NRXN3: variants seen among roughly 807,000 people sequenced by gnomAD.
NRXN3 encodes neurexin III.
In NRXN3, 32 loss-of-function variants were observed where a neutral mutation model predicts 137.6. That is an observed-to-expected ratio of 0.23 (90% confidence interval 0.18 to 0.31). The LOEUF (loss-of-function observed/expected upper bound fraction) is 0.31. NRXN3 is among the 10% of genes least tolerant of loss of function. The probability of loss-of-function intolerance (pLI) is 1.00; values close to 1 mark genes in which losing one functional copy is unlikely to be tolerated. For synonymous variants in NRXN3, 798 were observed against 784.5 expected, an observed-to-expected ratio of 1.02 and a Z score of -0.29; for missense variants, 1,574 against 2,062.5, an observed-to-expected ratio of 0.76 and a Z score of 4.59.
At chr14:79,117,963 A>T (rs1275633793) in intron 15 of NRXN3, among the ~76,000 whole-genome samples, 1 of 152,242 alleles carries the variant, frequency 6.6e-6, no homozygotes, top group Non-Finnish European at 1.5e-5. Context: ...ATATGGAAGT[A>T]GTGATAGCAG....
Position 78,337,700 on chromosome 14 carries a change from G to T in NRXN3, c.757+39840G>T, listed in dbSNP as rs77974794. ...GCACTGAAGGTCTAAATGAAATTTAGCTTTCTCAAACATCCTAATTATTTC... is the reference window on the plus strand; with the variant it reads ...GCACTGAAGGTCTAAATGAAATTTATCTTTCTCAAACATCCTAATTATTTC... On this transcript the variant is annotated intron_variant, in intron 4 of 20. Transcript: ENST00000335750. Among the ~76,000 whole-genome samples, 1,268 of 152,274 alleles carry T rather than the reference G, an allele frequency of 8.3e-3. 39 individuals carry two copies. In the East Asian group the frequency reaches 0.089, roughly 11 times the overall value.
intron 15 of NRXN3, among the ~76,000 whole-genome samples, chr14:79,331,060 G>A (rs775947491): frequency 9.9e-5 from 15 of 152,284 alleles, no homozygotes; most frequent in Admixed American, 2.0e-4. Context: ...CTGATTGACT[G>A]TTTCCTTTAC....
chr14:79,863,730 C>T lies in NRXN3; in HGVS notation c.*1766C>T, dbSNP rs954862955. 1 of 152,492 alleles carries T rather than the reference C, an allele frequency of 6.6e-6. No individual in the cohort carries two copies. The highest frequency in any genetic ancestry group is 1.5e-5 in the Non-Finnish European group (1 of 68,008). The allele number at this position is 152,492 out of a possible 1,614,324, so 9.4% of individuals were successfully genotyped here. A position where few individuals can be genotyped will look rare whatever the true frequency, so the allele number is the denominator to read the frequency against. On this transcript the variant is annotated 3_prime_UTR_variant, in exon 21 of 21. Coordinates refer to ENST00000335750, the MANE Select transcript of NRXN3 (RefSeq NM_001330195.2). ...TGTATGGCCATAGCTATCCGAAAAGCAAGAGACAAAGCAAGACAAATATTC... is the reference window on the plus strand; with the variant it reads ...TGTATGGCCATAGCTATCCGAAAAGTAAGAGACAAAGCAAGACAAATATTC...
chr14:79,452,127 A>T (rs1189803983), intron 15 of NRXN3, among the ~76,000 whole-genome samples: 1 of 152,158 alleles, frequency 6.6e-6, no homozygotes, highest in East Asian at 1.9e-4. Flanking sequence ...CATTAAAAAA[A>T]AATAGCCACA....
At chr14:78,317,420 T>C (rs1358411283) in intron 4 of NRXN3, among the ~76,000 whole-genome samples, 2 of 152,126 alleles carry the variant, frequency 1.3e-5, no homozygotes, top group African/African-American at 2.4e-5. Flanking sequence ...TTGGGAACAG[T>C]GTATGCGAGG....
At chr14:78,228,157 CTTTT>C (rs1156767557) in intron 1 of NRXN3, among the ~76,000 whole-genome samples, 2 of 130,478 alleles carry the variant, frequency 1.5e-5, no homozygotes, top group Admixed American at 7.8e-5. Context: ...AATTTTCTTT[CTTTT>C]TTTTTTTTTT....
intron 15 of NRXN3, among the ~76,000 whole-genome samples, chr14:79,433,628 G>A (rs1427879312): frequency 6.6e-6 from 1 of 152,118 alleles, no homozygotes; most frequent in Non-Finnish European, 1.5e-5. Flanking sequence ...ATATGTTCAC[G>A]ATATCTAATA....
intron 4 of NRXN3, among the ~76,000 whole-genome samples, chr14:78,312,001 C>T (rs559638323): frequency 5.3e-5 from 8 of 152,234 alleles, no homozygotes; most frequent in Non-Finnish European, 8.8e-5. Flanking sequence ...ATTTGTAGCA[C>T]AATCGGGACT....
At chr14:78,225,516 G>C (rs2064435956) in intron 1 of NRXN3, among the ~76,000 whole-genome samples, 1 of 149,808 alleles carries the variant, frequency 6.7e-6, no homozygotes, top group African/African-American at 2.4e-5. Context: ...TGTCAGATGA[G>C]TAGGTTGCGA....
chr14:79,533,037 G>A (rs1241034166), intron 16 of NRXN3, among the ~76,000 whole-genome samples: 1 of 151,814 alleles, frequency 6.6e-6, no homozygotes, highest in Non-Finnish European at 1.5e-5. Flanking sequence ...TATTTCAATT[G>A]AGTAAGCCCA....
rs1156721737 is a variant in NRXN3 at position 78,269,230 on chromosome 14, A to G, written c.710-9415A>G. 2.0e-5 allele frequency among the ~76,000 whole-genome samples: 3 copies of G among 152,330 alleles called. No individual in the cohort carries two copies. The East Asian group carries it at 5.8e-4, about 29-fold the overall frequency. On this transcript the variant is annotated intron_variant, in intron 2 of 20. Coordinates refer to ENST00000335750, the MANE Select transcript of NRXN3 (RefSeq NM_001330195.2). ...CAGGGCTTCTGTAACTAAAATGTGGACTGTATACACAATGGAATATTATTC... is the reference window on the plus strand; with the variant it reads ...CAGGGCTTCTGTAACTAAAATGTGGGCTGTATACACAATGGAATATTATTC...
chr14:78,467,259 C>A (rs909831946), intron 4 of NRXN3, among the ~76,000 whole-genome samples: 4 of 152,134 alleles, frequency 2.6e-5, no homozygotes, highest in South Asian at 2.1e-4. Context: ...CAGGATCTCA[C>A]CCCCTAGTCT....
At position 79,807,814 on chromosome 14, in the gene NRXN3, T is replaced by C. The variant is rs1365626912; in HGVS notation, c.4093+2624T>C. 2.0e-5 allele frequency among the ~76,000 whole-genome samples: 3 copies of C among 152,218 alleles called. No individual in the cohort carries two copies. The East Asian group carries it at 5.8e-4, about 29-fold the overall frequency. On this transcript the variant is annotated intron_variant, in intron 20 of 20. Transcript: ENST00000335750. ...ATTTGAAGAATGAGCATTGCATTTTTCTAATTTTATTTACTCCATAAAGTA... is the reference window on the plus strand; with the variant it reads ...ATTTGAAGAATGAGCATTGCATTTTCCTAATTTTATTTACTCCATAAAGTA...
At chr14:78,634,694 G>A (rs970411432) in intron 4 of NRXN3, among the ~76,000 whole-genome samples, 6 of 152,118 alleles carry the variant, frequency 3.9e-5, no homozygotes, top group African/African-American at 7.2e-5. Context: ...ATACCTTCCT[G>A]GTTCCATTTA....
chr14:79,361,574 C>A (rs2093682304), intron 15 of NRXN3, among the ~76,000 whole-genome samples: 1 of 152,070 alleles, frequency 6.6e-6, no homozygotes, highest in African/African-American at 2.4e-5. Flanking sequence ...AAAATTAGCC[C>A]AGTGTGTTGG....
chr14:78,951,882 G>A (rs958389693), intron 10 of NRXN3, among the ~76,000 whole-genome samples: 1 of 152,162 alleles, frequency 6.6e-6, no homozygotes, highest in African/African-American at 2.4e-5. Flanking sequence ...TAGAGGATGA[G>A]GCACGGAGAA....
intron 4 of NRXN3, among the ~76,000 whole-genome samples, chr14:78,561,243 G>T (rs1267904229): frequency 2.0e-5 from 3 of 152,092 alleles, no homozygotes; most frequent in African/African-American, 7.2e-5. Context: ...ATTTTCATTG[G>T]CCAAAGCAGG....
Position 78,268,630 on chromosome 14 carries a change from G to A in NRXN3, c.710-10015G>A, listed in dbSNP as rs1036888580. ...AGTATGGTACTGTGGGAAGGAAAAC[G>A]AGTTTGGAGTCAGAGAAATCGGAGT... On this transcript the variant is annotated intron_variant, in intron 2 of 20. Transcript: ENST00000335750. 3.9e-5 allele frequency among the ~76,000 whole-genome samples: 6 copies of A among 152,158 alleles called. No homozygotes were observed. The East Asian group carries it at 9.6e-4, about 24-fold the overall frequency.
chr14:79,381,138 T>A (rs1254063961), intron 15 of NRXN3, among the ~76,000 whole-genome samples: 1 of 152,144 alleles, frequency 6.6e-6, no homozygotes, highest in Non-Finnish European at 1.5e-5. Flanking sequence ...AAAATGTTTC[T>A]TAATGAGATC....
Sources: gnomAD v4.1 joint callset for allele counts (sites outside exome capture counted in the v4.1 genomes callset) on GRCh38, gnomAD v4.1.1 for gene constraint, MANE v1.5 for transcripts, NCBI Gene and HGNC (gene_info 2026-07-23, HGNC 2026-07-21) for gene names.